Variants in C8orf34 observed in about 807,000 individuals in gnomAD.
C8orf34 encodes the protein uncharacterized protein C8orf34.
Under a neutral mutation model 68.3 loss-of-function variants are expected in C8orf34, and 65 were observed. The observed-to-expected ratio is 0.95, with a 90% CI of 0.78 to 1.17. C8orf34 has a LOEUF of 1.17. C8orf34 is among the 50% of genes most tolerant of loss of function. C8orf34 has a pLI of 0.00. For synonymous variants in C8orf34, 244 were observed against 241.2 expected, an observed-to-expected ratio of 1.01 and a Z score of -0.11; for missense variants, 664 against 655.4, an observed-to-expected ratio of 1.01 and a Z score of -0.14.
intron 11 of C8orf34, among the ~76,000 whole-genome samples, chr8:68,786,466 A>G (rs1452573611): frequency 6.6e-6 from 1 of 152,194 alleles, no homozygotes; most frequent in Non-Finnish European, 1.5e-5. Flanking sequence ...ATGAAAGTAT[A>G]ATTATTACAT....
At chr8:68,443,334 T>G (rs1810988310) in intron 2 of C8orf34, among the ~76,000 whole-genome samples, 1 of 152,192 alleles carries the variant, frequency 6.6e-6, no homozygotes, top group African/African-American at 2.4e-5. Flanking sequence ...AATTGAATGA[T>G]GGTAAATAAT....
chr8:68,615,489 T>C (rs1488350120), intron 7 of C8orf34, among the ~76,000 whole-genome samples: 1 of 152,218 alleles, frequency 6.6e-6, no homozygotes, highest in African/African-American at 2.4e-5. Context: ...ATTGAGAGTT[T>C]TTAGCATGAA....
intron 1 of C8orf34, among the ~76,000 whole-genome samples, chr8:68,340,724 T>G (rs1288390729): frequency 6.6e-6 from 1 of 152,208 alleles, no homozygotes; most frequent in Non-Finnish European, 1.5e-5. Context: ...TCATCAAATA[T>G]TTTAAAAATA....
chr8:68,616,683 A>T (rs1222563219), intron 7 of C8orf34, among the ~76,000 whole-genome samples: 1 of 152,006 alleles, frequency 6.6e-6, no homozygotes, highest in Non-Finnish European at 1.5e-5. Flanking sequence ...GTTCTTTTAC[A>T]TTTGCTGAGG....
intron 1 of C8orf34, among the ~76,000 whole-genome samples, chr8:68,360,280 C>G (rs1355042001): frequency 6.6e-6 from 1 of 152,156 alleles, no homozygotes; most frequent in Non-Finnish European, 1.5e-5. Context: ...CAACCCCATT[C>G]ATTTTATGTG....
chr8:68,673,785 A>G (rs1820093647), intron 8 of C8orf34, among the ~76,000 whole-genome samples: 1 of 152,102 alleles, frequency 6.6e-6, no homozygotes, highest in Admixed American at 6.5e-5. Context: ...CTCTGAATGA[A>G]CATAGATGGT....
intron 1 of C8orf34, among the ~76,000 whole-genome samples, chr8:68,335,810 T>C (rs943513673): frequency 6.6e-6 from 1 of 152,164 alleles, no homozygotes; most frequent in African/African-American, 2.4e-5. Flanking sequence ...GCAGGCATGG[T>C]GGTTCATGCC....
At chr8:68,743,103 G>C (rs759945971) in intron 10 of C8orf34, among the ~76,000 whole-genome samples, 14 of 152,122 alleles carry the variant, frequency 9.2e-5, no homozygotes, top group Admixed American at 5.9e-4. Context: ...TTTAAGTCCA[G>C]CTCTCCTATT....
At chr8:68,372,673 A>G (rs1807611986) in intron 1 of C8orf34, among the ~76,000 whole-genome samples, 2 of 152,284 alleles carry the variant, frequency 1.3e-5, no homozygotes, top group East Asian at 3.9e-4. Flanking sequence ...ACATAGGTAT[A>G]CACGTGCTGT....
chr8:68,412,740 C>A lies in C8orf34; in HGVS notation c.328-26759C>A, dbSNP rs79348995. 5.8e-3 allele frequency among the ~76,000 whole-genome samples: 885 copies of A among 152,284 alleles called. 32 individuals carry two copies. In the East Asian group the frequency reaches 0.11, roughly 18 times the overall value. Reference sequence around the variant, plus strand: ...ACCAATAACTCTCTCCATTTTCTCACCCTCTGTAGTCTCGCTTTCAGCCAT... The same window carrying A: ...ACCAATAACTCTCTCCATTTTCTCAACCTCTGTAGTCTCGCTTTCAGCCAT... On this transcript the variant is annotated intron_variant, in intron 1 of 13. Coordinates refer to ENST00000518698, the MANE Select transcript of C8orf34 (RefSeq NM_052958.4).
intron 10 of C8orf34, among the ~76,000 whole-genome samples, chr8:68,764,466 T>C (rs1220528556): frequency 1.3e-5 from 2 of 152,104 alleles, no homozygotes; most frequent in African/African-American, 2.4e-5. Flanking sequence ...GGTTTTCTAA[T>C]AGTGGGGAGT....
At chr8:68,781,496 T>C (rs1457970747) in intron 11 of C8orf34, among the ~76,000 whole-genome samples, 1 of 152,222 alleles carries the variant, frequency 6.6e-6, no homozygotes, top group Non-Finnish European at 1.5e-5. Flanking sequence ...AAAAAGTTTG[T>C]ACTACACTCA....
In C8orf34 at chr8:68,476,039, A is replaced by G. The variant is rs1350954361; in HGVS notation, c.736+7219A>G. 2.6e-5 allele frequency among the ~76,000 whole-genome samples: 4 copies of G among 152,362 alleles called. No homozygotes were observed. In the East Asian group the frequency reaches 7.7e-4, roughly 29 times the overall value. ...TAGCAAAGGACTTTTTTAGTGAGTC[A>G]GTCAGGAATGTACCCAAGAAGTCTT... On this transcript the variant is annotated intron_variant, in intron 4 of 13. Transcript: ENST00000518698.
intron 1 of C8orf34, among the ~76,000 whole-genome samples, chr8:68,410,665 A>G (rs1809405184): frequency 6.6e-6 from 1 of 152,132 alleles, no homozygotes; most frequent in African/African-American, 2.4e-5. Context: ...TAGTTCAGTC[A>G]TAGGCACCTG....
At chr8:68,468,940 T>A in intron 4 of C8orf34, 120 bp downstream of exon 4, 1 of 1,097,680 alleles carries the variant, frequency 9.1e-7, no homozygotes, top group Non-Finnish European at 1.3e-6. Flanking sequence ...AGAGGCTGAG[T>A]AGTTCTAAGG....
At chr8:68,627,156 A>G (rs1489718479) in intron 7 of C8orf34, among the ~76,000 whole-genome samples, 1 of 152,114 alleles carries the variant, frequency 6.6e-6, no homozygotes. Context: ...ACCTCTCCTG[A>G]TGACTACCTA....
At chr8:68,617,469 G>A (rs1818258737) in intron 7 of C8orf34, among the ~76,000 whole-genome samples, 2 of 152,114 alleles carry the variant, frequency 1.3e-5, no homozygotes, top group South Asian at 4.2e-4. Context: ...AGCTCTTGTA[G>A]GGCAGGCCTT....
chr8:68,454,835 T>G (rs888061791), intron 3 of C8orf34, among the ~76,000 whole-genome samples: 1 of 152,064 alleles, frequency 6.6e-6, no homozygotes, highest in Non-Finnish European at 1.5e-5. Context: ...AGGTGTAAAG[T>G]TAGATTATTG....
intron 7 of C8orf34, among the ~76,000 whole-genome samples, chr8:68,624,910 C>T (rs1164756143): frequency 7.0e-6 from 1 of 143,710 alleles, no homozygotes; most frequent in Non-Finnish European, 1.5e-5. Context: ...TAATTTCTTG[C>T]TTTTTTTTTT....
Sources: gnomAD v4.1 joint callset for allele counts (sites outside exome capture counted in the v4.1 genomes callset) on GRCh38, gnomAD v4.1.1 for gene constraint, MANE v1.5 for transcripts, NCBI Gene and HGNC (gene_info 2026-07-23, HGNC 2026-07-21) for gene names.